SMARCA5: variants seen among roughly 807,000 people sequenced by gnomAD.
SMARCA5 encodes the protein SNF2 related chromatin remodeling ATPase 5, also known as SWI/SNF-related matrix-associated actin-dependent regulator of chromatin subfamily A member 5.
In SMARCA5, 18 loss-of-function variants were observed where a neutral mutation model predicts 140.4. That is an observed-to-expected ratio of 0.13 (90% CI 0.09 to 0.19). The LOEUF is 0.19. Among genes scored for constraint, SMARCA5 ranks in the 10% least tolerant of loss-of-function variants. The probability of loss-of-function intolerance (pLI) is 1.00; values close to 1 mark genes in which losing one functional copy is unlikely to be tolerated. For missense variants in SMARCA5, 606 were observed against 1,276.8 expected (o/e 0.47, Z 8.01); for synonymous variants, 449 against 419.6 (o/e 1.07, Z -0.86).
intron 23 of SMARCA5, 84 bp downstream of exon 23, chr4:143,550,188 G>T: frequency 3.1e-6 from 2 of 650,728 alleles, no homozygotes; most frequent in South Asian, 1.8e-5. Flanking sequence ...TGTCATTGAT[G>T]TGTTAGTCCC....
At chr4:143,549,882 CAGG>C in intron 22 of SMARCA5, 112 bp from the exon 23 acceptor site, 1 of 535,754 alleles carries the variant, frequency 1.9e-6, no homozygotes, top group Non-Finnish European at 3.4e-6. Flanking sequence ...TTTTTTAAAT[CAGG>C]GGTGTATTAG....
In SMARCA5 at chr4:143,536,694, A is replaced by G. The variant is rs769310852; in HGVS notation, c.1495+16A>G. 8 of 1,534,604 alleles carry G rather than the reference A, an allele frequency of 5.2e-6. No individual in the cohort carries two copies. The highest frequency in any genetic ancestry group is 7.2e-6 in the Non-Finnish European group (8 of 1,111,310). Reference sequence around the variant, plus strand: ...AAAGAACAAGGTATCGGTTACCCGTATCAAATTATCAAAACTGTTTTAAAA... The same window carrying G: ...AAAGAACAAGGTATCGGTTACCCGTGTCAAATTATCAAAACTGTTTTAAAA... On this transcript the variant is annotated intron_variant, in intron 11 of 23. Coordinates refer to ENST00000283131, the MANE Select transcript of SMARCA5 (RefSeq NM_003601.4).
At position 143,554,611 on chromosome 4, in the gene SMARCA5, T is replaced by A. The variant is rs1737711889; in HGVS notation, c.*1427T>A. On this transcript the variant is annotated 3_prime_UTR_variant, in exon 24 of 24. Transcript: ENST00000283131. Reference sequence around the variant, plus strand: ...GTTAATGTCAAGCAAAACGCAGTATTTATGGCAAATTGTAAAGTAATTTGA... The same window carrying A: ...GTTAATGTCAAGCAAAACGCAGTATATATGGCAAATTGTAAAGTAATTTGA... 6.5e-6 allele frequency: 1 copy of A among 152,816 alleles called. No individual in the cohort carries two copies. Among genetic ancestry groups the A allele is most frequent in the Non-Finnish European group, 1.5e-5 (1 of 68,546 alleles). The allele number at this position is 152,816 out of a possible 1,614,324, so 9.5% of individuals were successfully genotyped here. A position where few individuals can be genotyped will look rare whatever the true frequency, so the allele number is the denominator to read the frequency against.
chr4:143,555,091 T>G lies in SMARCA5; in HGVS notation c.*1907T>G. On this transcript the variant is annotated 3_prime_UTR_variant, in exon 24 of 24. Coordinates refer to ENST00000283131, the MANE Select transcript of SMARCA5 (RefSeq NM_003601.4). Reference sequence around the variant, plus strand: ...TGTTTCCTGGCAGTAATTAAAATCTTCTGTCAGTGCCACAGCTACTACTGC... The same window carrying G: ...TGTTTCCTGGCAGTAATTAAAATCTGCTGTCAGTGCCACAGCTACTACTGC... The G allele has an allele frequency of 1.6e-6, 1 of 635,776 alleles. No individual in the cohort carries two copies. Among genetic ancestry groups the G allele is most frequent in the Non-Finnish European group, 2.9e-6 (1 of 341,888 alleles). The allele number at this position is 635,776 out of a possible 1,614,324, so 39.4% of individuals were successfully genotyped here.
rs1161671664 is a variant in SMARCA5, at chr4:143,554,037, T to C, written c.*853T>C. The C allele has an allele frequency of 1.3e-5, 2 of 152,090 alleles. No homozygotes were observed. The highest frequency in any genetic ancestry group is 6.5e-5 in the Admixed American group (1 of 15,288). 9.4% of individuals were successfully genotyped at this position (152,090 alleles called of 1,614,324 possible). A position where few individuals can be genotyped will look rare whatever the true frequency, so the allele number is the denominator to read the frequency against. On this transcript the variant is annotated 3_prime_UTR_variant, in exon 24 of 24. Coordinates refer to ENST00000283131, the MANE Select transcript of SMARCA5 (RefSeq NM_003601.4). ...GGTGTGAATTTGTCATACTGTTACA[T>C]TGAAATTGGTAACAAAATATATCCC...
intron 14 of SMARCA5, 103 bp downstream of exon 14, chr4:143,540,598 C>A: frequency 1.9e-6 from 2 of 1,072,006 alleles, no homozygotes; most frequent in Non-Finnish European, 1.4e-6. Flanking sequence ...TCCATTGAGT[C>A]AAGCTTGCAG....
chr4:143,517,305 T>A, intron 1 of SMARCA5, 50 bp from the exon 2 acceptor site: 2 of 1,357,510 alleles, frequency 1.5e-6, no homozygotes, highest in Non-Finnish European at 2.1e-6. Flanking sequence ...TATAATGGTA[T>A]GTTTACTATT....
At chr4:143,546,981 A>G in intron 20 of SMARCA5, 73 bp downstream of exon 20, 1 of 1,433,076 alleles carries the variant, frequency 7.0e-7, no homozygotes, top group African/African-American at 1.4e-5. Flanking sequence ...ATTCTGAATT[A>G]TGTTGTGATT....
chr4:143,551,893 C>G (rs1426473027), intron 23 of SMARCA5, among the ~76,000 whole-genome samples: 1 of 151,798 alleles, frequency 6.6e-6, no homozygotes, highest in East Asian at 1.9e-4. Context: ...TTGGCTATTT[C>G]TGGGTGTTCT....
At chr4:143,537,147 G>C (rs1937372523) in intron 11 of SMARCA5, among the ~76,000 whole-genome samples, 1 of 152,112 alleles carries the variant, frequency 6.6e-6, no homozygotes, top group Non-Finnish European at 1.5e-5. Context: ...GGGTATGTCT[G>C]TGTTGTGTGT....
rs565562873 is a variant in SMARCA5 at position 143,516,019 on chromosome 4, G to T, written c.178-1336G>T. On this transcript the variant is annotated intron_variant, in intron 1 of 23. Transcript: ENST00000283131. ...TTGTCTTTTAAAATGTCAGTTTCCT[G>T]TTTAACAAAATTCAGAATTACTGCA... Among the ~76,000 whole-genome samples the T allele has an allele frequency of 1.0e-3, 154 of 148,390 alleles. 1 individual carries two copies. The highest frequency in any genetic ancestry group is 3.7e-3 in the African/African-American group (148 of 40,174).
At chr4:143,541,244 A>AC (rs1737419757) in intron 14 of SMARCA5, among the ~76,000 whole-genome samples, 1 of 152,208 alleles carries the variant, frequency 6.6e-6, no homozygotes, top group African/African-American at 2.4e-5. Context: ...GGGGTGGGAA[A>AC]CTTAATAATT....
chr4:143,551,496 A>G (rs1737639082), intron 23 of SMARCA5, among the ~76,000 whole-genome samples: 1 of 151,976 alleles, frequency 6.6e-6, no homozygotes. Flanking sequence ...TGTTCTGGAG[A>G]GTTTTCCCAA....
At chr4:143,534,177 C>G (rs544435747) in intron 9 of SMARCA5, among the ~76,000 whole-genome samples, 1 of 151,902 alleles carries the variant, frequency 6.6e-6, no homozygotes, top group East Asian at 1.9e-4. Context: ...AGACATAATG[C>G]TATTGCACAC....
At chr4:143,544,943 GTTTC>G in intron 17 of SMARCA5, 96 bp downstream of exon 17, 3 of 508,204 alleles carry the variant, frequency 5.9e-6, no homozygotes, top group South Asian at 4.9e-5. Context: ...TAGATTTTGT[GTTTC>G]TTTTTTTTTT....
At chr4:143,522,990 G>A (rs1238007462) in intron 3 of SMARCA5, among the ~76,000 whole-genome samples, 6 of 152,066 alleles carry the variant, frequency 3.9e-5, no homozygotes, top group Non-Finnish European at 7.4e-5. Flanking sequence ...GAGGGTCATA[G>A]TATTGTCTTT....
chr4:143,551,590 G>A (rs987532526), intron 23 of SMARCA5, among the ~76,000 whole-genome samples: 5 of 151,992 alleles, frequency 3.3e-5, no homozygotes, highest in Non-Finnish European at 7.4e-5. Context: ...AGGGATACAG[G>A]TCAAGTTTCA....
At chr4:143,536,112 A>G (rs1737297053) in intron 10 of SMARCA5, among the ~76,000 whole-genome samples, 1 of 152,182 alleles carries the variant, frequency 6.6e-6, no homozygotes, top group South Asian at 2.1e-4. Context: ...GCAAACTAAA[A>G]TTATGTTTAA....
intron 2 of SMARCA5, 41 bp downstream of exon 2, chr4:143,517,470 T>G: frequency 8.0e-7 from 1 of 1,253,400 alleles, no homozygotes. Flanking sequence ...AAGGAAAACT[T>G]TTTATCAGGT....
Sources: allele counts gnomAD v4.1 joint callset (sites outside exome capture counted in the v4.1 genomes callset), GRCh38; gene constraint gnomAD v4.1.1; transcripts MANE v1.5; gene names NCBI Gene and HGNC (gene_info 2026-07-23, HGNC 2026-07-21).